The following SOX5 variants were observed in gnomAD, a reference collection of about 807,000 sequenced individuals.
SOX5 encodes the protein transcription factor SOX-5.
Under a neutral mutation model 92.0 loss-of-function variants are expected in SOX5, and 9 were observed. The ratio of observed to expected loss-of-function variants is 0.10; its 90% CI spans 0.06 to 0.17. SOX5 has a LOEUF of 0.17. SOX5 is among the 10% of genes least tolerant of loss of function. The pLI, the probability that SOX5 is intolerant of heterozygous loss-of-function variation, is 1.00. For synonymous variants in SOX5, 344 were observed against 336.3 expected, an observed-to-expected ratio of 1.02 and a Z score of -0.25; for missense variants, 642 against 944.5, an observed-to-expected ratio of 0.68 and a Z score of 4.20.
At chr12:23,594,532 T>TA (rs1341720221) in intron 9 of SOX5, among the ~76,000 whole-genome samples, 1 of 152,090 alleles carries the variant, frequency 6.6e-6, no homozygotes, top group Admixed American at 6.6e-5. Context: ...ATTAATTAAT[T>TA]AATTGGCACA....
chr12:24,490,517 A>G (rs1473656618), intron 1 of SOX5, among the ~76,000 whole-genome samples: 2 of 152,190 alleles, frequency 1.3e-5, no homozygotes, highest in Admixed American at 1.3e-4. Context: ...TGAAACAGGT[A>G]TGAAACCAGT....
intron 3 of SOX5, among the ~76,000 whole-genome samples, chr12:24,262,202 G>A (rs2686327): frequency 0.64 from 96,827 of 151,960 alleles, 33,989 homozygotes; most frequent in East Asian, 0.94. Context: ...TGCAACGAAC[G>A]AAATTCTCGA....
chr12:23,975,164 T>C (rs1252803067), intron 4 of SOX5, among the ~76,000 whole-genome samples: 6 of 152,160 alleles, frequency 3.9e-5, no homozygotes, highest in Non-Finnish European at 8.8e-5. Flanking sequence ...AATATTCAAG[T>C]ATTCTATTTA....
At chr12:24,519,530 GA>G (rs944959579) in intron 1 of SOX5, among the ~76,000 whole-genome samples, 1 of 152,094 alleles carries the variant, frequency 6.6e-6, no homozygotes, top group African/African-American at 2.4e-5. Context: ...GATACCTGGA[GA>G]AAAAGTGTTC....
At chr12:24,029,179 T>C (rs1365016670) in intron 4 of SOX5, among the ~76,000 whole-genome samples, 1 of 152,060 alleles carries the variant, frequency 6.6e-6, no homozygotes, top group African/African-American at 2.4e-5. Flanking sequence ...TAGTTCCTTT[T>C]AAATCCGTGT....
intron 3 of SOX5, among the ~76,000 whole-genome samples, chr12:23,759,010 AACACAC>A (rs761303900): frequency 8.3e-5 from 9 of 108,362 alleles, no homozygotes; most frequent in East Asian, 3.1e-4. Flanking sequence ...GGCAACACAA[AACACAC>A]ACACACACAC....
chr12:23,871,465 A>T (rs2096871518), intron 2 of SOX5, among the ~76,000 whole-genome samples: 1 of 152,168 alleles, frequency 6.6e-6, no homozygotes, highest in South Asian at 2.1e-4. Flanking sequence ...ATTAAACATG[A>T]AGTGTAAAAT....
intron 1 of SOX5, among the ~76,000 whole-genome samples, chr12:24,461,722 G>A (rs2137490804): frequency 6.6e-6 from 1 of 152,184 alleles, no homozygotes; most frequent in East Asian, 1.9e-4. Flanking sequence ...CACTTACTCT[G>A]GCAGTTATGA....
chr12:24,263,384 C>G (rs1177396114), intron 3 of SOX5, among the ~76,000 whole-genome samples: 1 of 151,530 alleles, frequency 6.6e-6, no homozygotes, highest in African/African-American at 2.4e-5. Context: ...AAAAATTAGC[C>G]GGGCGTGGTG....
chr12:24,317,754 C>T (rs1949834161), intron 2 of SOX5, among the ~76,000 whole-genome samples: 1 of 152,194 alleles, frequency 6.6e-6, no homozygotes, highest in African/African-American at 2.4e-5. Flanking sequence ...TATCAGCCAC[C>T]TCTTGGCTTC....
At chr12:23,930,758 C>T (rs527881980) in intron 1 of SOX5, among the ~76,000 whole-genome samples, 3 of 151,840 alleles carry the variant, frequency 2.0e-5, no homozygotes, top group Admixed American at 6.6e-5. Context: ...GGGAACTCGT[C>T]TTGCATATGG....
intron 1 of SOX5, among the ~76,000 whole-genome samples, chr12:24,376,627 T>C (rs1345152875): frequency 6.7e-6 from 1 of 148,456 alleles, no homozygotes; most frequent in African/African-American, 2.5e-5. Flanking sequence ...GAGTAGGCAA[T>C]GTGCTAAGCA....
intron 4 of SOX5, among the ~76,000 whole-genome samples, chr12:23,980,069 C>T (rs1949426201): frequency 6.6e-6 from 1 of 152,216 alleles, no homozygotes; most frequent in South Asian, 2.1e-4. Flanking sequence ...CCTCAGCTGG[C>T]CTCCCAAAGT....
intron 4 of SOX5, among the ~76,000 whole-genome samples, chr12:24,012,829 C>A (rs1205412303): frequency 6.6e-6 from 1 of 152,104 alleles, no homozygotes; most frequent in Non-Finnish European, 1.5e-5. Context: ...GTGTTGAAGA[C>A]AAGAGACATC....
intron 1 of SOX5, among the ~76,000 whole-genome samples, chr12:24,429,253 C>G (rs945840924): frequency 2.6e-5 from 4 of 151,888 alleles, no homozygotes; most frequent in Non-Finnish European, 4.4e-5. Context: ...GGAGGCGGAG[C>G]TTGCAGTGAG....
chr12:24,346,032 C>T (rs903590956), intron 2 of SOX5, among the ~76,000 whole-genome samples: 5 of 152,222 alleles, frequency 3.3e-5, no homozygotes, highest in Admixed American at 1.3e-4. Context: ...GATCCAAATA[C>T]ACTTATACTT....
Position 23,813,565 on chromosome 12 carries a change from A to G in SOX5, c.481+32418T>C, listed in dbSNP as rs151229085. On this transcript the variant is annotated intron_variant, in intron 3 of 14. Transcript: ENST00000451604. ...AAGGTATTCCACATGTGCTTTAATA[A>G]AAGTATATGTTGTTCTATAATCATT... is the stretch of plus-strand genomic sequence containing the variant. 8.3e-3 allele frequency among the ~76,000 whole-genome samples: 1,271 copies of G among 152,318 alleles called. 8 individuals carry two copies. The highest frequency in any genetic ancestry group is 0.027 in the Middle Eastern group (8 of 294).
At chr12:24,508,029 C>G (rs1948966217) in intron 1 of SOX5, among the ~76,000 whole-genome samples, 1 of 152,000 alleles carries the variant, frequency 6.6e-6, no homozygotes, top group South Asian at 2.1e-4. Flanking sequence ...CGGAGTGCAG[C>G]CTGAGGGTGG....
At chr12:23,708,311 T>A (rs2091669292) in intron 6 of SOX5, among the ~76,000 whole-genome samples, 4 of 146,348 alleles carry the variant, frequency 2.7e-5, no homozygotes, top group African/African-American at 2.5e-5. Context: ...GGAAAAGGAA[T>A]CCATATAAAA....
Sources: gnomAD v4.1 joint callset for allele counts (sites outside exome capture counted in the v4.1 genomes callset) on GRCh38, gnomAD v4.1.1 for gene constraint, MANE v1.5 for transcripts, NCBI Gene and HGNC (gene_info 2026-07-23, HGNC 2026-07-21) for gene names.